Variants in ADAMTSL1 observed in about 807,000 individuals in gnomAD.
ADAMTSL1 encodes the protein ADAMTS-like protein 1.
A neutral mutation model predicts 201.8 loss-of-function variants in ADAMTSL1; 126 were observed. The observed-to-expected ratio is 0.62, with a 90% CI of 0.54 to 0.72. The LOEUF (loss-of-function observed/expected upper bound fraction) is 0.72, where lower values mean the gene tolerates loss of function less well. Ranked by LOEUF, ADAMTSL1 falls within the 30% of genes least tolerant of loss-of-function variation. ADAMTSL1 has a pLI of 0.00. For synonymous variants in ADAMTSL1, 1,121 were observed against 903.4 expected (o/e 1.24, Z -4.32); for missense variants, 2,679 against 2,277.8 (o/e 1.18, Z -3.59).
intron 2 of ADAMTSL1, among the ~76,000 whole-genome samples, chr9:18,441,639 A>G (rs1819998772): frequency 6.6e-6 from 1 of 152,204 alleles, no homozygotes; most frequent in Non-Finnish European, 1.5e-5. Flanking sequence ...GAAGAATGGC[A>G]TGATGCCTCT....
At chr9:18,234,958 T>C (rs2132423780) in intron 2 of ADAMTSL1, among the ~76,000 whole-genome samples, 1 of 152,342 alleles carries the variant, frequency 6.6e-6, no homozygotes, top group African/African-American at 2.4e-5. Flanking sequence ...AGTTTCCATA[T>C]ACCTCACACT....
intron 19 of ADAMTSL1, among the ~76,000 whole-genome samples, chr9:18,780,339 G>A (rs939142887): frequency 2.0e-5 from 3 of 152,144 alleles, no homozygotes; most frequent in Non-Finnish European, 2.9e-5. Flanking sequence ...GCCACGGAAG[G>A]TTAAAACTCA....
intron 1 of ADAMTSL1, among the ~76,000 whole-genome samples, chr9:18,030,340 T>C (rs1003879799): frequency 2.4e-4 from 37 of 151,922 alleles, no homozygotes; most frequent in Non-Finnish European, 4.1e-4. Context: ...AGGTGGGAAT[T>C]GAACAATGAG....
intron 1 of ADAMTSL1, among the ~76,000 whole-genome samples, chr9:17,914,870 C>T (rs1206318205): frequency 1.3e-5 from 2 of 152,170 alleles, no homozygotes; most frequent in East Asian, 1.9e-4. Flanking sequence ...CATTCTTATA[C>T]ACCAATAACA....
At chr9:18,153,531 G>A (rs1454541101) in intron 1 of ADAMTSL1, among the ~76,000 whole-genome samples, 3 of 152,024 alleles carry the variant, frequency 2.0e-5, no homozygotes, top group African/African-American at 4.8e-5. Context: ...AATCTGTGGA[G>A]CTTAAAGCCT....
chr9:18,498,251 A>G (rs1477082548), intron 1 of ADAMTSL1, among the ~76,000 whole-genome samples: 1 of 151,930 alleles, frequency 6.6e-6, no homozygotes, highest in African/African-American at 2.4e-5. Flanking sequence ...ATTGGCACTA[A>G]TATGCCAGAA....
intron 23 of ADAMTSL1, among the ~76,000 whole-genome samples, chr9:18,877,153 T>C (rs1012215076): frequency 2.6e-4 from 39 of 152,312 alleles, no homozygotes; most frequent in African/African-American, 9.1e-4. Context: ...TCCTGTATCA[T>C]TTTTTTGATT....
intron 2 of ADAMTSL1, among the ~76,000 whole-genome samples, chr9:18,510,338 C>T (rs1441711678): frequency 6.6e-6 from 1 of 152,194 alleles, no homozygotes; most frequent in East Asian, 1.9e-4. Context: ...AACATCCTCT[C>T]TGAGTGATCT....
intron 2 of ADAMTSL1, among the ~76,000 whole-genome samples, chr9:18,431,373 C>T (rs1007664364): frequency 6.6e-6 from 1 of 152,144 alleles, no homozygotes; most frequent in Non-Finnish European, 1.5e-5. Flanking sequence ...CAGTGTGGCT[C>T]ATTTTTCACA....
At chr9:18,629,311 C>T (rs756992323) in intron 5 of ADAMTSL1, among the ~76,000 whole-genome samples, 6 of 152,086 alleles carry the variant, frequency 3.9e-5, no homozygotes, top group Non-Finnish European at 7.4e-5. Context: ...AATGGAGGTC[C>T]TTATCTTATT....
chr9:18,456,600 T>A (rs1256235283), intron 2 of ADAMTSL1, among the ~76,000 whole-genome samples: 1 of 152,178 alleles, frequency 6.6e-6, no homozygotes, highest in East Asian at 1.9e-4. Flanking sequence ...ATAAAAGTCT[T>A]TCACTGCCTG....
intron 5 of ADAMTSL1, among the ~76,000 whole-genome samples, chr9:18,633,460 A>G (rs1826904912): frequency 1.3e-5 from 2 of 152,018 alleles, no homozygotes; most frequent in Admixed American, 6.6e-5. Context: ...CTGCAGTGGC[A>G]GAAGTCTGTA....
chr9:18,651,977 T>C (rs897209300), intron 7 of ADAMTSL1, among the ~76,000 whole-genome samples: 1 of 152,044 alleles, frequency 6.6e-6, no homozygotes, highest in Non-Finnish European at 1.5e-5. Context: ...CCATCCTATA[T>C]AGTATCTTCC....
intron 2 of ADAMTSL1, among the ~76,000 whole-genome samples, chr9:18,455,640 A>G (rs1396768172): frequency 6.6e-6 from 1 of 152,162 alleles, no homozygotes; most frequent in Non-Finnish European, 1.5e-5. Context: ...TCTTCAGACC[A>G]AAGTGCTCTT....
At chr9:18,803,937 C>A (rs149625713) in intron 20 of ADAMTSL1, among the ~76,000 whole-genome samples, 1 of 152,120 alleles carries the variant, frequency 6.6e-6, no homozygotes, top group East Asian at 1.9e-4. Flanking sequence ...GGAAGGGGAA[C>A]AATTATTTTT....
At chr9:18,115,548 A>C (rs1242279743) in intron 1 of ADAMTSL1, among the ~76,000 whole-genome samples, 3 of 152,168 alleles carry the variant, frequency 2.0e-5, no homozygotes, top group African/African-American at 7.2e-5. Context: ...AAAAGGAAAA[A>C]AATCTGTATT....
At chr9:18,097,775 A>G (rs891171708) in intron 1 of ADAMTSL1, among the ~76,000 whole-genome samples, 2 of 151,926 alleles carry the variant, frequency 1.3e-5, no homozygotes, top group African/African-American at 4.8e-5. Flanking sequence ...TTATCTTCCC[A>G]TTCCTAGGTT....
chr9:18,718,637 C>T (rs985777217), intron 14 of ADAMTSL1: 3 of 359,802 alleles, frequency 8.3e-6, no homozygotes, highest in Non-Finnish European at 1.6e-5. Flanking sequence ...CCTGCCGCTG[C>T]CGCCGCCGCT....
intron 21 of ADAMTSL1, among the ~76,000 whole-genome samples, chr9:18,820,112 G>A (rs1427413749): frequency 6.6e-6 from 1 of 152,214 alleles, no homozygotes; most frequent in African/African-American, 2.4e-5. Context: ...TTGCAACCCA[G>A]ATTCTCGTAA....
Sources: allele counts gnomAD v4.1 joint callset (sites outside exome capture counted in the v4.1 genomes callset), GRCh38; gene constraint gnomAD v4.1.1; transcripts MANE v1.5; gene names NCBI Gene and HGNC (gene_info 2026-07-23, HGNC 2026-07-21).